Variants in WWOX observed in about 807,000 individuals in gnomAD.
WWOX encodes the protein WW domain containing oxidoreductase.
Under a neutral mutation model 46.2 loss-of-function variants are expected in WWOX, and 69 were observed. That is an observed-to-expected ratio of 1.49 (90% CI 1.23 to 1.82). The LOEUF (loss-of-function observed/expected upper bound fraction) is 1.82. WWOX is among the 40% of genes most tolerant of loss of function. The pLI is 0.00. For synonymous variants in WWOX, 359 were observed against 202.6 expected, an observed-to-expected ratio of 1.77 and a Z score of -6.56; for missense variants, 919 against 542.6, an observed-to-expected ratio of 1.69 and a Z score of -6.89.
intron 8 of WWOX, among the ~76,000 whole-genome samples, chr16:78,786,091 G>C (rs1035777397): frequency 6.6e-6 from 1 of 152,102 alleles, no homozygotes. Context: ...TGAATTTTTA[G>C]TAGAGGCGAG....
chr16:78,781,985 C>T (rs1278581674), intron 8 of WWOX, among the ~76,000 whole-genome samples: 1 of 152,178 alleles, frequency 6.6e-6, no homozygotes, highest in East Asian at 1.9e-4. Context: ...AGGATTCCAG[C>T]ACAAGCAATT....
At chr16:79,069,907 C>G (rs1379400942) in intron 8 of WWOX, among the ~76,000 whole-genome samples, 1 of 152,142 alleles carries the variant, frequency 6.6e-6, no homozygotes, top group Non-Finnish European at 1.5e-5. Context: ...AATTTTTTCC[C>G]CCTCTATGAC....
At chr16:78,825,924 T>C in intron 8 of WWOX, 1 of 748,706 alleles carries the variant, frequency 1.3e-6, no homozygotes, top group Admixed American at 2.1e-5. Context: ...AAAGATGAGG[T>C]AGTGCCCACC....
At chr16:78,326,635 A>G (rs1318029586) in intron 5 of WWOX, among the ~76,000 whole-genome samples, 1 of 137,928 alleles carries the variant, frequency 7.3e-6, no homozygotes, top group African/African-American at 2.7e-5. Context: ...TTGAAAAAGA[A>G]CATAAAGCAT....
chr16:79,181,508 T>C (rs1473094505), intron 8 of WWOX, among the ~76,000 whole-genome samples: 1 of 152,220 alleles, frequency 6.6e-6, no homozygotes, highest in African/African-American at 2.4e-5. Flanking sequence ...TGGTTTTACT[T>C]AACACTATGC....
At chr16:78,829,425 A>G (rs1221984379) in intron 8 of WWOX, among the ~76,000 whole-genome samples, 2 of 152,202 alleles carry the variant, frequency 1.3e-5, no homozygotes, top group African/African-American at 4.8e-5. Flanking sequence ...GGGCAGGGCA[A>G]TCAGTTTTAC....
intron 8 of WWOX, among the ~76,000 whole-genome samples, chr16:78,771,012 G>A (rs2050050947): frequency 6.6e-6 from 1 of 152,340 alleles, no homozygotes; most frequent in South Asian, 2.1e-4. Context: ...AGGGATTGCT[G>A]GAGGCAGAAC....
intron 8 of WWOX, among the ~76,000 whole-genome samples, chr16:78,434,031 C>T (rs1049052002): frequency 2.4e-4 from 36 of 152,126 alleles, no homozygotes; most frequent in African/African-American, 4.3e-4. Context: ...CCTCGTGATC[C>T]GCCCGCCTCG....
chr16:78,797,015 G>A (rs1302089653), intron 8 of WWOX, among the ~76,000 whole-genome samples: 3 of 151,778 alleles, frequency 2.0e-5, no homozygotes, highest in South Asian at 2.1e-4. Context: ...TAGTAGTGCC[G>A]GGGTTTCACC....
intron 8 of WWOX, among the ~76,000 whole-genome samples, chr16:78,802,670 C>G (rs2050921235): frequency 6.6e-6 from 1 of 151,672 alleles, no homozygotes; most frequent in Non-Finnish European, 1.5e-5. Flanking sequence ...AATCCCAGCA[C>G]TTTGAGAGGC....
At chr16:78,695,895 G>C (rs1742422934) in intron 8 of WWOX, among the ~76,000 whole-genome samples, 2 of 152,180 alleles carry the variant, frequency 1.3e-5, no homozygotes, top group Admixed American at 1.3e-4. Flanking sequence ...ATTAGACCAG[G>C]GGTTCTCAAA....
chr16:78,475,993 T>G (rs2084340089), intron 8 of WWOX, among the ~76,000 whole-genome samples: 3 of 152,314 alleles, frequency 2.0e-5, no homozygotes, highest in Admixed American at 6.5e-5. Flanking sequence ...GGTTTTTCTT[T>G]CCTCCAGCTC....
chr16:79,206,023 T>C (rs892261571), intron 8 of WWOX: 1 of 152,234 alleles, frequency 6.6e-6, no homozygotes, highest in Non-Finnish European at 1.5e-5. Context: ...ACGACCTTTT[T>C]AGTAAGGGTC....
At chr16:79,087,698 G>A (rs1045509953) in intron 8 of WWOX, among the ~76,000 whole-genome samples, 4 of 152,200 alleles carry the variant, frequency 2.6e-5, no homozygotes, top group Non-Finnish European at 5.9e-5. Context: ...GCTGAAAGAG[G>A]AGACTTAAGT....
chr16:78,608,044 G>C (rs1162985031), intron 8 of WWOX, among the ~76,000 whole-genome samples: 1 of 152,166 alleles, frequency 6.6e-6, no homozygotes, highest in East Asian at 1.9e-4. Context: ...TATATCATTA[G>C]ATTTCAGTGA....
At chr16:78,665,814 A>G (rs1194386792) in intron 8 of WWOX, among the ~76,000 whole-genome samples, 1 of 152,110 alleles carries the variant, frequency 6.6e-6, no homozygotes, top group African/African-American at 2.4e-5. Context: ...ACTCTCAAGT[A>G]GCTGGGATTA....
At position 78,115,006 on chromosome 16, in the gene WWOX, C is replaced by A. The variant is rs368902462; in HGVS notation, c.261C>A (p.Asp87Glu). The A allele has an allele frequency of 1.1e-5, 17 of 1,614,222 alleles. No homozygotes were observed. The East Asian group carries it at 1.1e-4, about 11-fold the overall frequency. Residue 87 changes from aspartate to glutamate, a missense_variant, in exon 4 of 9, where the codon GAC becomes GAA. By Grantham distance (45) the Asp-to-Glu change is conservative. Transcript: ENST00000566780. Reference protein sequence around the residue: ...DHINKRTTYLDPRLAFTVDDN... With the variant: ...DHINKRTTYLEPRLAFTVDDN... ...TAAATAAAAGAACCACCTACTTGGA[C>A]CCAAGACTGGCGTTTACTGTGGATG...
At chr16:78,925,899 C>G (rs1365361701) in intron 8 of WWOX, among the ~76,000 whole-genome samples, 2 of 152,120 alleles carry the variant, frequency 1.3e-5, no homozygotes, top group Non-Finnish European at 2.9e-5. Context: ...TGCCTCCCTT[C>G]AGAATGAAGG....
intron 1 of WWOX, among the ~76,000 whole-genome samples, chr16:78,100,412 C>G (rs1021474535): frequency 6.6e-6 from 1 of 152,104 alleles, no homozygotes; most frequent in Admixed American, 6.5e-5. Flanking sequence ...ACTACTATGC[C>G]CGACTAATTT....
Sources: gnomAD v4.1 joint callset for allele counts (sites outside exome capture counted in the v4.1 genomes callset) on GRCh38, gnomAD v4.1.1 for gene constraint, MANE v1.5 for transcripts, NCBI Gene and HGNC (gene_info 2026-07-23, HGNC 2026-07-21) for gene names.